CCDC12: variants seen among roughly 807,000 people sequenced by gnomAD.
The protein encoded by CCDC12 is coiled-coil domain containing 12, also known as coiled-coil domain-containing protein 12.
CCDC12 carries 28 observed loss-of-function variants against 25.7 expected under a neutral mutation model. The ratio of observed to expected loss-of-function variants is 1.09; its 90% CI spans 0.81 to 1.50. The LOEUF (loss-of-function observed/expected upper bound fraction) is 1.50, where lower values mean the gene tolerates loss of function less well. Ranked by LOEUF, CCDC12 falls within the 40% of genes most tolerant of loss-of-function variation. CCDC12 has a pLI of 0.00. For missense variants in CCDC12, 198 were observed against 210.0 expected (o/e 0.94, Z 0.35); for synonymous variants, 75 against 87.7 (o/e 0.86, Z 0.81).
Position 46,941,482 on chromosome 3 carries a change from G to A in CCDC12, c.97-417C>T, listed in dbSNP as rs570156826. 1.3e-3 allele frequency among the ~76,000 whole-genome samples: 202 copies of A among 151,896 alleles called. 1 individual carries two copies. The highest frequency in any genetic ancestry group is 4.3e-3 in the African/African-American group (180 of 41,416). On this transcript the variant is annotated intron_variant, in intron 1 of 6. Transcript: ENST00000683445. ...CGGGAGGCTGAGGCAGGAGAATGGC[G>A]TGAACCTGGGAGGCAGAGCTTGCAG...
chr3:46,945,782 G>A (rs2033879710), intron 1 of CCDC12, among the ~76,000 whole-genome samples: 1 of 152,168 alleles, frequency 6.6e-6, no homozygotes, highest in Admixed American at 6.5e-5. Flanking sequence ...GAATTTACTG[G>A]CACAAAGTGA....
chr3:46,960,972 T>C (rs2034445286), intron 1 of CCDC12, among the ~76,000 whole-genome samples: 1 of 143,108 alleles, frequency 7.0e-6, no homozygotes, highest in Non-Finnish European at 1.5e-5. Context: ...TGTGGAGGGG[T>C]GCTGTGGAGT....
chr3:46,923,300 T>G, intron 5 of CCDC12, 29 bp downstream of exon 5: 5 of 1,473,308 alleles, frequency 3.4e-6, no homozygotes, highest in Non-Finnish European at 4.5e-6. Context: ...CGAGTCAGCC[T>G]GCACCCGCCA....
intron 1 of CCDC12, among the ~76,000 whole-genome samples, chr3:46,970,586 G>A (rs1451624555): frequency 6.6e-6 from 1 of 152,216 alleles, no homozygotes; most frequent in Non-Finnish European, 1.5e-5. Flanking sequence ...CTGGTTGCCT[G>A]GAACCTGCAA....
chr3:46,934,322 T>TC, intron 2 of CCDC12, among the ~76,000 whole-genome samples: 1 of 152,184 alleles, frequency 6.6e-6, no homozygotes, highest in East Asian at 1.9e-4. Context: ...CTGCCCTGAG[T>TC]GGCAAACTGC....
At chr3:46,965,751 C>T (rs945587889) in intron 1 of CCDC12, among the ~76,000 whole-genome samples, 22 of 152,212 alleles carry the variant, frequency 1.4e-4, no homozygotes, top group African/African-American at 4.8e-4. Flanking sequence ...GGGATTGGCC[C>T]TGTGTGATTG....
chr3:46,958,207 C>T (rs1409028891), intron 1 of CCDC12, among the ~76,000 whole-genome samples: 3 of 152,074 alleles, frequency 2.0e-5, no homozygotes, highest in African/African-American at 7.2e-5. Context: ...TATTGGGAGA[C>T]TAAAAGGAAC....
In CCDC12 at chr3:46,932,989, G is replaced by A. The variant is rs1255475275; in HGVS notation, c.165-7454C>T. 2.6e-5 allele frequency among the ~76,000 whole-genome samples: 4 copies of A among 152,360 alleles called. No individual in the cohort carries two copies. In the East Asian group the frequency reaches 5.8e-4, roughly 22 times the overall value. On this transcript the variant is annotated intron_variant, in intron 2 of 6. Coordinates refer to ENST00000683445, the MANE Select transcript of CCDC12 (RefSeq NM_001277074.2). ...CACCCTGCTCTCTGGCCTAGGGGTG[G>A]ACCCCACACCAGCTTCCTGCATCTG...
intron 2 of CCDC12, 153 bp downstream of exon 2, chr3:46,940,845 T>C: frequency 1.5e-6 from 1 of 689,078 alleles, no homozygotes; most frequent in East Asian, 2.5e-5. Context: ...TCTGAGATGT[T>C]GAGATTTTAA....
At chr3:46,938,518 G>GTTTTTTTTTTT (rs66474878) in intron 2 of CCDC12, among the ~76,000 whole-genome samples, 1 of 91,380 alleles carries the variant, frequency 1.1e-5, no homozygotes, top group African/African-American at 4.2e-5. Context: ...TTCCCCTCCT[G>GTTTTTTTTTTT]TTTTTTTTTT....
At chr3:46,952,718 C>T (rs1396272056) in intron 1 of CCDC12, among the ~76,000 whole-genome samples, 1 of 152,182 alleles carries the variant, frequency 6.6e-6, no homozygotes, top group Non-Finnish European at 1.5e-5. Flanking sequence ...GTATGCCAGG[C>T]AACTGATTAT....
intron 2 of CCDC12, among the ~76,000 whole-genome samples, chr3:46,938,265 G>C (rs1424798680): frequency 6.6e-6 from 1 of 152,210 alleles, no homozygotes; most frequent in Admixed American, 6.5e-5. Flanking sequence ...AGCAGGTCTT[G>C]TGCTCCACTA....
upstream of CCDC12, chr3:46,979,477 G>A (rs1358051620): frequency 1.2e-5 from 2 of 162,174 alleles, no homozygotes; most frequent in African/African-American, 4.8e-5. Context: ...TCCTCACCCC[G>A]ACCCTCGTCC....
intron 1 of CCDC12, among the ~76,000 whole-genome samples, chr3:46,974,222 A>T (rs1207163843): frequency 1.3e-5 from 2 of 152,220 alleles, no homozygotes; most frequent in Non-Finnish European, 2.9e-5. Context: ...TTTAACGGGT[A>T]CAGAGTTTGG....
intron 2 of CCDC12, among the ~76,000 whole-genome samples, chr3:46,936,927 G>A (rs976108086): frequency 6.6e-5 from 10 of 152,254 alleles, no homozygotes; most frequent in South Asian, 2.1e-4. Flanking sequence ...CTGAGTGGCC[G>A]TGTGGGATGG....
intron 5 of CCDC12, 197 bp downstream of exon 5, chr3:46,923,132 C>T: frequency 2.0e-6 from 1 of 503,906 alleles, no homozygotes; most frequent in Non-Finnish European, 3.1e-6. Context: ...GCCTGAGCCC[C>T]ACTCCATCAC....
intron 1 of CCDC12, among the ~76,000 whole-genome samples, chr3:46,956,803 G>A (rs1195564457): frequency 6.9e-6 from 1 of 145,018 alleles, no homozygotes; most frequent in African/African-American, 2.5e-5. Context: ...TTGACAGAGT[G>A]AGTCCCTGTC....
chr3:46,981,398 C>T (rs1283243141), upstream of CCDC12, among the ~76,000 whole-genome samples: 2 of 151,934 alleles, frequency 1.3e-5, no homozygotes, highest in Non-Finnish European at 2.9e-5. Context: ...GCCGAGATCG[C>T]GCCACTGCAC....
Position 46,957,331 on chromosome 3 carries a change from G to A in CCDC12, c.97-16266C>T, listed in dbSNP as rs373520743. Among the ~76,000 whole-genome samples the A allele has an allele frequency of 5.3e-5, 8 of 152,240 alleles. 1 individual carries two copies. The highest frequency in any genetic ancestry group is 5.2e-4 in the Admixed American group (8 of 15,296). Reference sequence around the variant, plus strand: ...CGAAGGCAGTAGCAGTTTCCTCATTGAGCCATTTTCCATTTTTCTTATGAA... The same window carrying A: ...CGAAGGCAGTAGCAGTTTCCTCATTAAGCCATTTTCCATTTTTCTTATGAA... On this transcript the variant is annotated intron_variant, in intron 1 of 6. Coordinates refer to ENST00000683445, the MANE Select transcript of CCDC12 (RefSeq NM_001277074.2).
Sources: allele counts gnomAD v4.1 joint callset (sites outside exome capture counted in the v4.1 genomes callset), GRCh38; gene constraint gnomAD v4.1.1; transcripts MANE v1.5; gene names NCBI Gene and HGNC (gene_info 2026-07-23, HGNC 2026-07-21).